Variants in TRAF3IP1 observed in about 807,000 individuals in gnomAD.
TRAF3IP1 encodes the protein TRAF3-interacting protein 1.
A neutral mutation model predicts 89.9 loss-of-function variants in TRAF3IP1; 53 were observed. That is an observed-to-expected ratio of 0.59 (90% CI 0.47 to 0.74). The LOEUF is 0.74. Among genes scored for constraint, TRAF3IP1 ranks in the 30% least tolerant of loss-of-function variants. The pLI, the probability that TRAF3IP1 is intolerant of heterozygous loss-of-function variation, is 0.00. For missense variants in TRAF3IP1, 806 were observed against 866.1 expected (o/e 0.93, Z 0.87); for synonymous variants, 311 against 322.1 (o/e 0.97, Z 0.37).
chr2:238,353,142 TC>T, intron 13 of TRAF3IP1, 30 bp from the exon 14 acceptor site: 1 of 1,614,034 alleles, frequency 6.2e-7, no homozygotes, highest in Non-Finnish European at 8.5e-7. Flanking sequence ...CAAGCCTGAA[TC>T]TTCTTTTTCC....
chr2:238,326,983 C>T (rs948588621), intron 3 of TRAF3IP1, among the ~76,000 whole-genome samples: 1 of 152,332 alleles, frequency 6.6e-6, no homozygotes, highest in African/African-American at 2.4e-5. Flanking sequence ...GCACATCTGG[C>T]TCCTGTCTCC....
intron 15 of TRAF3IP1, among the ~76,000 whole-genome samples, chr2:238,367,163 CAAAAAAAAAA>C (rs33964253): frequency 3.3e-4 from 12 of 36,162 alleles, no homozygotes; most frequent in Admixed American, 5.1e-4. Context: ...GACTCTGTCT[CAAAAAAAAAA>C]AAAAAAAAAA....
At chr2:238,366,093 G>A (rs1293494360) in intron 15 of TRAF3IP1, among the ~76,000 whole-genome samples, 1 of 152,002 alleles carries the variant, frequency 6.6e-6, no homozygotes, top group Non-Finnish European at 1.5e-5. Context: ...GAAATACAAA[G>A]GGGTGGCAGG....
chr2:238,337,367 A>G (rs921778347), intron 7 of TRAF3IP1, among the ~76,000 whole-genome samples: 3 of 152,150 alleles, frequency 2.0e-5, no homozygotes, highest in Admixed American at 2.0e-4. Context: ...AGAGAGGAAC[A>G]GTGATAGGGG....
At chr2:238,370,895 A>G (rs530181739) in intron 15 of TRAF3IP1, among the ~76,000 whole-genome samples, 1 of 152,250 alleles carries the variant, frequency 6.6e-6, no homozygotes, top group African/African-American at 2.4e-5. Context: ...CATTTAGGGG[A>G]ATTACGGACA....
rs1046542988 is a variant in TRAF3IP1, at chr2:238,325,188, G to A, written c.124-118G>A. 43 of 975,920 alleles carry A rather than the reference G, an allele frequency of 4.4e-5. No individual in the cohort carries two copies. The East Asian group carries it at 1.0e-3, about 23-fold the overall frequency. The allele number at this position is 975,920 out of a possible 1,614,324, so 60.5% of individuals were successfully genotyped here. A position where few individuals can be genotyped will look rare whatever the true frequency, so the allele number is the denominator to read the frequency against. On this transcript the variant is annotated intron_variant, in intron 1 of 16. Coordinates refer to ENST00000373327, the MANE Select transcript of TRAF3IP1 (RefSeq NM_015650.4). ...GACATCAAATATTTCTTAAGTGGAT[G>A]ATTCAAATCTGGGCTGCTAGTCAAT...
Position 238,399,129 on chromosome 2 carries a change from G to T in TRAF3IP1, c.*210G>T. On this transcript the variant is annotated 3_prime_UTR_variant, in exon 17 of 17. Transcript: ENST00000373327. ...CTTACCTCCTTCCAGATGGAATACTGGCTAGTTATAAATAGCGCTTCCAAA... is the reference window on the plus strand; with the variant it reads ...CTTACCTCCTTCCAGATGGAATACTTGCTAGTTATAAATAGCGCTTCCAAA... The T allele has an allele frequency of 2.0e-6, 1 of 492,508 alleles. No individual in the cohort carries two copies. Among genetic ancestry groups the T allele is most frequent in the Non-Finnish European group, 3.5e-6 (1 of 286,542 alleles). The allele number at this position is 492,508 out of a possible 1,614,324, so 30.5% of individuals were successfully genotyped here.
chr2:238,366,041 C>A (rs569496537), intron 15 of TRAF3IP1, among the ~76,000 whole-genome samples: 1 of 152,204 alleles, frequency 6.6e-6, no homozygotes, highest in East Asian at 1.9e-4. Context: ...GTCAGGAGAT[C>A]GAGACCATCC....
chr2:238,334,839 G>T (rs544919883), intron 7 of TRAF3IP1, among the ~76,000 whole-genome samples: 1 of 152,222 alleles, frequency 6.6e-6, no homozygotes, highest in Non-Finnish European at 1.5e-5. Flanking sequence ...TTCCAGAAGC[G>T]CAGTGGCTGG....
intron 15 of TRAF3IP1, among the ~76,000 whole-genome samples, chr2:238,372,351 A>G (rs759913038): frequency 2.0e-5 from 3 of 151,344 alleles, no homozygotes; most frequent in Non-Finnish European, 4.4e-5. Flanking sequence ...TCATTGTTCA[A>G]CTCCCACTTA....
At chr2:238,340,101 T>C (rs996368930) in intron 8 of TRAF3IP1, among the ~76,000 whole-genome samples, 2 of 152,116 alleles carry the variant, frequency 1.3e-5, no homozygotes, top group African/African-American at 4.8e-5. Flanking sequence ...GTCTGGGCTC[T>C]GGAGAGACTC....
At chr2:238,334,504 A>G (rs1325544764) in intron 7 of TRAF3IP1, among the ~76,000 whole-genome samples, 1 of 152,218 alleles carries the variant, frequency 6.6e-6, no homozygotes, top group Non-Finnish European at 1.5e-5. Context: ...GGTCCGCTGA[A>G]GGATAGTACC....
At position 238,328,970 on chromosome 2, in the gene TRAF3IP1, T is replaced by C. The variant is rs749548477; in HGVS notation, c.543T>C (p.Asp181=). The C allele has an allele frequency of 4.5e-6, 7 of 1,551,776 alleles. No individual in the cohort carries two copies. The highest frequency in any genetic ancestry group is 4.9e-5 in the East Asian group (2 of 40,970). ...TAAAAGAGAGAAGTACAAGCAGAGATCGAAAACAGAAGGAAGAATTGAAAG... is the reference window on the plus strand; with the variant it reads ...TAAAAGAGAGAAGTACAAGCAGAGACCGAAAACAGAAGGAAGAATTGAAAG... The part of the protein sequence containing the change: ...AEIKERSTSR[D]RKQKEELKED... The change falls in exon 5 of 17, where the codon GAT becomes GAC. Residue 181 remains aspartate, a synonymous_variant. Coordinates refer to ENST00000373327, the MANE Select transcript of TRAF3IP1 (RefSeq NM_015650.4).
chr2:238,363,335 C>T (rs1050765358), intron 15 of TRAF3IP1, among the ~76,000 whole-genome samples: 9 of 152,052 alleles, frequency 5.9e-5, no homozygotes, highest in African/African-American at 1.9e-4. Flanking sequence ...CATGGTTTAT[C>T]CTTGACTTCT....
Position 238,352,868 on chromosome 2 carries a change from C to G in TRAF3IP1, c.1493C>G (p.Ser498Ter). The change falls in exon 13 of 17, where the codon TCA becomes TGA. Residue 498 changes from serine to a stop codon, truncating the protein, a stop_gained. Coordinates refer to ENST00000373327, the MANE Select transcript of TRAF3IP1 (RefSeq NM_015650.4). LOFTEE classifies it high-confidence loss of function. ...GKTVSNVITE[S>*]HNSDNEEDDQ... Reference sequence around the variant, plus strand: ...ACCGTTTCAAATGTGATTACAGAGTCACACAATTCTGACAATGAAGAGGAT... The same window carrying G: ...ACCGTTTCAAATGTGATTACAGAGTGACACAATTCTGACAATGAAGAGGAT... 1 of 1,613,522 alleles carries G rather than the reference C, an allele frequency of 6.2e-7. No individual in the cohort carries two copies. Among genetic ancestry groups the G allele is most frequent in the Middle Eastern group, 1.7e-4 (1 of 6,058 alleles).
chr2:238,348,848 G>C lies in TRAF3IP1; in HGVS notation c.1367G>C (p.Arg456Thr), dbSNP rs919671616. ...EIPNELSSNI[R>T]RIPRPGSARP... ...CCTAATGAGCTTTCATCCAACATCA[G>C]GTCTGTGTGCTTTGAATCCCTTTCC... Residue 456 changes from arginine to threonine, a missense_variant and splice_region_variant, in exon 11 of 17, where the codon AGA becomes ACA. This residue lies in a region of TRAF3IP1 where 732 missense variants were observed against 780.5 expected (regional missense o/e 0.94). Transcript: ENST00000373327. 1 of 1,613,906 alleles carries C rather than the reference G, an allele frequency of 6.2e-7. No homozygotes were observed. Among genetic ancestry groups the C allele is most frequent in the Non-Finnish European group, 8.5e-7 (1 of 1,179,854 alleles).
intron 15 of TRAF3IP1, among the ~76,000 whole-genome samples, chr2:238,372,627 A>G (rs1700157081): frequency 6.6e-6 from 1 of 152,212 alleles, no homozygotes; most frequent in Non-Finnish European, 1.5e-5. Context: ...AATGATTTAT[A>G]ATCCTTTGGG....
intron 7 of TRAF3IP1, 115 bp downstream of exon 7, chr2:238,334,150 G>GC: frequency 1.2e-6 from 1 of 801,890 alleles, no homozygotes; most frequent in Non-Finnish European, 2.0e-6. Context: ...CAGACTTGCT[G>GC]TGTCTGGGAA....
At chr2:238,389,838 T>C (rs1346722982) in intron 15 of TRAF3IP1, among the ~76,000 whole-genome samples, 2 of 151,932 alleles carry the variant, frequency 1.3e-5, no homozygotes, top group Non-Finnish European at 2.9e-5. Flanking sequence ...AGGTCAATAA[T>C]GTGTATTTAT....
Sources: allele counts gnomAD v4.1 joint callset (sites outside exome capture counted in the v4.1 genomes callset), GRCh38; gene constraint gnomAD v4.1.1; regional missense constraint gnomAD v4.1.1; transcripts MANE v1.5; gene names NCBI Gene and HGNC (gene_info 2026-07-23, HGNC 2026-07-21).